The following RUVBL1 variants were observed in gnomAD, a reference collection of about 807,000 sequenced individuals.
The protein encoded by RUVBL1 is ruvB-like 1.
In RUVBL1, 4 loss-of-function variants were observed where a neutral mutation model predicts 52.4. The ratio of observed to expected loss-of-function variants is 0.08; its 90% CI spans 0.04 to 0.17. The LOEUF (loss-of-function observed/expected upper bound fraction) is 0.17, where lower values mean the gene tolerates loss of function less well. Ranked by LOEUF, RUVBL1 falls within the 10% of genes least tolerant of loss-of-function variation. RUVBL1 has a pLI of 1.00. For synonymous variants in RUVBL1, 217 were observed against 214.4 expected, an observed-to-expected ratio of 1.01 and a Z score of -0.10; for missense variants, 298 against 572.8, an observed-to-expected ratio of 0.52 and a Z score of 4.90.
At chr3:128,114,092 C>T (rs749714602) in intron 2 of RUVBL1, among the ~76,000 whole-genome samples, 80 of 152,140 alleles carry the variant, frequency 5.3e-4, no homozygotes, top group Admixed American at 2.8e-3. Flanking sequence ...CACAGGTGTA[C>T]GGTCAAATGT....
intron 9 of RUVBL1, chr3:128,070,240 C>T (rs1308812996): frequency 1.3e-5 from 2 of 152,264 alleles, no homozygotes; most frequent in East Asian, 1.9e-4. Flanking sequence ...GAACTTCTTC[C>T]AAAAGAGAGG....
chr3:128,135,915 TATA>T (rs1265868407), intron 1 of RUVBL1, among the ~76,000 whole-genome samples: 47 of 152,288 alleles, frequency 3.1e-4, no homozygotes, highest in African/African-American at 1.1e-3. Flanking sequence ...GACATGACAG[TATA>T]ATAAGATATA....
intron 1 of RUVBL1, among the ~76,000 whole-genome samples, chr3:128,121,888 C>T (rs554487502): frequency 6.6e-6 from 1 of 152,272 alleles, no homozygotes; most frequent in African/African-American, 2.4e-5. Flanking sequence ...TCAATTTCCA[C>T]TCCAACTACT....
chr3:128,123,437 A>G lies in RUVBL1; in HGVS notation c.141+147T>C, dbSNP rs890832823. The G allele has an allele frequency of 4.8e-6, 5 of 1,040,788 alleles. No homozygotes were observed. The Admixed American group carries it at 9.4e-5, about 20-fold the overall frequency. The allele number at this position is 1,040,788 out of a possible 1,614,324, so 64.5% of individuals were successfully genotyped here. ...AGCTCCAGGGCGGCGCCCCTCCCCG[A>G]GCCCCTGGCCCATTTTCACTTCCCT... is the stretch of plus-strand genomic sequence containing the variant. On this transcript the variant is annotated intron_variant, in intron 1 of 10. Transcript: ENST00000322623.
chr3:128,103,523 G>C (rs977279142), intron 4 of RUVBL1, among the ~76,000 whole-genome samples: 1 of 152,162 alleles, frequency 6.6e-6, no homozygotes. Flanking sequence ...GAGAATCAAA[G>C]AACCATAAAA....
At chr3:128,119,841 G>C (rs769046533) in intron 1 of RUVBL1, among the ~76,000 whole-genome samples, 3 of 152,330 alleles carry the variant, frequency 2.0e-5, no homozygotes, top group African/African-American at 2.4e-5. Context: ...ATATCCAAGG[G>C]ACAGAAAGGT....
intron 2 of RUVBL1, among the ~76,000 whole-genome samples, chr3:128,115,907 C>T (rs960063657): frequency 6.6e-6 from 1 of 152,010 alleles, no homozygotes; most frequent in Non-Finnish European, 1.5e-5. Flanking sequence ...AGGTGGATTG[C>T]TTGAGCCCAG....
chr3:128,118,324 CAATAT>C (rs955885406), intron 2 of RUVBL1, among the ~76,000 whole-genome samples: 4 of 152,100 alleles, frequency 2.6e-5, no homozygotes, highest in African/African-American at 9.6e-5. Context: ...TGTAAGATAC[CAATAT>C]AAGATACACA....
chr3:128,150,945 ATATATATTATATATTCTATATAT>A (rs1559841724), intron 1 of RUVBL1, among the ~76,000 whole-genome samples: 3 of 75,392 alleles, frequency 4.0e-5, no homozygotes, highest in East Asian at 5.9e-4. Flanking sequence ...TCTATATATT[ATATATATTATATATTCTATATAT>A]TATATATTAT....
chr3:128,127,992 G>C (rs780355188), upstream of RUVBL1, among the ~76,000 whole-genome samples: 3 of 150,954 alleles, frequency 2.0e-5, no homozygotes, highest in Non-Finnish European at 2.9e-5. Context: ...GTGAGACCCT[G>C]TCTCAAAAAT....
chr3:128,096,771 G>A (rs1201286782), intron 8 of RUVBL1, among the ~76,000 whole-genome samples: 1 of 151,896 alleles, frequency 6.6e-6, no homozygotes, highest in African/African-American at 2.4e-5. Flanking sequence ...AGCTTGCAGT[G>A]AGCCGAGATC....
chr3:128,076,360 G>A (rs961360752), downstream of RUVBL1, among the ~76,000 whole-genome samples: 2 of 152,190 alleles, frequency 1.3e-5, no homozygotes, highest in African/African-American at 4.8e-5. This position sits in a 1 kb window ranked among gnomAD's most constrained non-coding sequence, Gnocchi z 6.8. Context: ...GACCACTTGC[G>A]ATGACAGCTA....
chr3:128,079,883 C>T (rs1435815797), downstream of RUVBL1, among the ~76,000 whole-genome samples: 1 of 152,244 alleles, frequency 6.6e-6, no homozygotes, highest in African/African-American at 2.4e-5. Flanking sequence ...AGATGACCAT[C>T]CTAGTCAGCC....
chr3:128,123,650 C>G lies in RUVBL1; in HGVS notation c.75G>C (p.Gly25=). 6.2e-7 allele frequency: 1 copy of G among 1,612,436 alleles called. No individual in the cohort carries two copies. The highest frequency in any genetic ancestry group is 1.1e-5 in the South Asian group (1 of 91,078). Residue 25 remains glycine (G), a synonymous_variant, in exon 1 of 11, where the codon GGG becomes GGC. Transcript: ENST00000322623. ...IASHSHVKGL[G]LDESGLAKQA... is the part of the protein sequence containing the mutation. ...GCTTGGCCAAGCCGCTCTCGTCCAG[C>G]CCCAGCCCTTTCACGTGGCTGTGGG...
intron 9 of RUVBL1, among the ~76,000 whole-genome samples, chr3:128,072,890 T>C (rs1200725494): frequency 6.6e-6 from 1 of 152,146 alleles, no homozygotes; most frequent in Non-Finnish European, 1.5e-5. Context: ...CTCCTCCCCA[T>C]GCACAGGGAA....
chr3:128,101,528 G>A, intron 5 of RUVBL1, 31 bp downstream of exon 5: 1 of 1,596,618 alleles, frequency 6.3e-7, no homozygotes, highest in Non-Finnish European at 8.6e-7. Context: ...AACAAATCAG[G>A]GACAATGCTG....
At chr3:128,126,273 C>A (rs1156429592), upstream of RUVBL1, among the ~76,000 whole-genome samples, 2 of 151,466 alleles carry the variant, frequency 1.3e-5, no homozygotes, top group Non-Finnish European at 2.9e-5. Flanking sequence ...GGGCCAGGGG[C>A]GGTGGTACAC....
In RUVBL1 at chr3:128,082,653, G is replaced by T; in HGVS notation, c.1120-79C>A. ...TCTAAAGTGCTTTAAAGACAATGTTGCTCAGATTTCTCACTGTGCAGCATA... is the reference window on the plus strand; with the variant it reads ...TCTAAAGTGCTTTAAAGACAATGTTTCTCAGATTTCTCACTGTGCAGCATA... On this transcript the variant is annotated intron_variant, in intron 9 of 10. Transcript: ENST00000322623. The surrounding 1 kb of genome is among the most constrained non-coding windows in gnomAD (Gnocchi z 4.7). 1 of 1,157,046 alleles carries T rather than the reference G, an allele frequency of 8.6e-7. No individual in the cohort carries two copies. The allele number at this position is 1,157,046 out of a possible 1,614,324, so 71.7% of individuals were successfully genotyped here. A position where few individuals can be genotyped will look rare whatever the true frequency, so the allele number is the denominator to read the frequency against.
At chr3:128,101,771 C>T (rs1036868459) in intron 4 of RUVBL1, 123 bp from the exon 5 acceptor site, 86 of 914,862 alleles carry the variant, frequency 9.4e-5, no homozygotes, top group Non-Finnish European at 1.4e-4. Flanking sequence ...GCCTGTTTTG[C>T]GTTTGCATGA....
Sources: gnomAD v4.1 joint callset for allele counts (sites outside exome capture counted in the v4.1 genomes callset) on GRCh38, gnomAD v4.1.1 for gene constraint, Gnocchi (gnomAD v3.1) non-coding constraint, MANE v1.5 for transcripts, NCBI Gene and HGNC (gene_info 2026-07-23, HGNC 2026-07-21) for gene names.